The following MYT1L variants were observed in gnomAD, a reference collection of about 807,000 sequenced individuals.
MYT1L encodes myelin transcription factor 1 like, also known as myelin transcription factor 1-like protein.
In MYT1L, 12 loss-of-function variants were observed where a neutral mutation model predicts 126.7. That is an observed-to-expected ratio of 0.09 (90% CI 0.06 to 0.15). MYT1L has a LOEUF of 0.15. MYT1L is among the 10% of genes least tolerant of loss of function. MYT1L has a pLI of 1.00. For missense variants in MYT1L, 979 were observed against 1,585.2 expected (o/e 0.62, Z 6.49); for synonymous variants, 541 against 604.2 (o/e 0.90, Z 1.53).
At chr2:2,032,680 G>A (rs1399493310) in intron 4 of MYT1L, among the ~76,000 whole-genome samples, 4 of 91,492 alleles carry the variant, frequency 4.4e-5, no homozygotes, top group Middle Eastern at 0.014. Flanking sequence ...CACACCCCTC[G>A]CAAGTGCCTC....
intron 9 of MYT1L, among the ~76,000 whole-genome samples, chr2:1,939,030 A>G (rs954575737): frequency 1.3e-5 from 2 of 152,222 alleles, no homozygotes; most frequent in African/African-American, 4.8e-5. Flanking sequence ...TGAACAAATA[A>G]TGGCATCCAG....
chr2:1,834,265 C>T (rs10432713), intron 21 of MYT1L, among the ~76,000 whole-genome samples: 65,533 of 152,050 alleles, frequency 0.43, 14,843 homozygotes, highest in East Asian at 0.67. Flanking sequence ...CTCCTGCTAA[C>T]CAGGTTTGGG....
intron 3 of MYT1L, among the ~76,000 whole-genome samples, chr2:2,068,425 A>G (rs2074141343): frequency 6.6e-6 from 1 of 152,178 alleles, no homozygotes; most frequent in Non-Finnish European, 1.5e-5. Context: ...CCTGACACCC[A>G]GGCCAGGGAC....
At chr2:1,818,762 C>T (rs1273884085) in intron 21 of MYT1L, among the ~76,000 whole-genome samples, 3 of 152,206 alleles carry the variant, frequency 2.0e-5, no homozygotes, top group African/African-American at 7.2e-5. Context: ...AGATCTGCTT[C>T]CATCTCAGTG....
intron 9 of MYT1L, among the ~76,000 whole-genome samples, chr2:1,933,979 T>A (rs1057296609): frequency 3.4e-5 from 5 of 145,328 alleles, no homozygotes; most frequent in African/African-American, 1.3e-4. Context: ...ATTTTTTTTT[T>A]TTTTTTTTTT....
At chr2:2,061,822 G>A (rs2070548611) in intron 3 of MYT1L, among the ~76,000 whole-genome samples, 1 of 152,114 alleles carries the variant, frequency 6.6e-6, no homozygotes, top group Non-Finnish European at 1.5e-5. Context: ...GGTGATGTGT[G>A]TTCTCATCAA....
intron 3 of MYT1L, among the ~76,000 whole-genome samples, chr2:2,085,605 T>C (rs867522276): frequency 6.6e-6 from 1 of 152,128 alleles, no homozygotes. Flanking sequence ...GCCCTATACA[T>C]TTCTCAAAGT....
At chr2:1,885,250 G>A (rs1047095998) in intron 18 of MYT1L, 1 of 152,606 alleles carries the variant, frequency 6.6e-6, no homozygotes, top group Non-Finnish European at 1.5e-5. Context: ...TACAAAAGAC[G>A]CCTGAACAAA....
chr2:2,216,074 G>A (rs1179682293), intron 2 of MYT1L, among the ~76,000 whole-genome samples: 1 of 78,052 alleles, frequency 1.3e-5, no homozygotes, highest in South Asian at 3.6e-4. Flanking sequence ...TCAGTTCCAC[G>A]TTCCACCTCC....
At chr2:2,075,060 A>G (rs888676597) in intron 3 of MYT1L, among the ~76,000 whole-genome samples, 3 of 152,162 alleles carry the variant, frequency 2.0e-5, no homozygotes, top group African/African-American at 7.2e-5. Flanking sequence ...CTGGGTTTCA[A>G]ACCTGGGAGT....
chr2:2,082,234 C>A (rs1030308526), intron 3 of MYT1L, among the ~76,000 whole-genome samples: 1 of 152,118 alleles, frequency 6.6e-6, no homozygotes, highest in Admixed American at 6.5e-5. Context: ...GGCAGTTTTA[C>A]AAATGAAGAA....
intron 11 of MYT1L, among the ~76,000 whole-genome samples, chr2:1,915,448 C>A (rs2052681293): frequency 6.6e-6 from 1 of 152,152 alleles, no homozygotes; most frequent in Non-Finnish European, 1.5e-5. Context: ...AGTCCCACTT[C>A]ATTTAGGCCT....
intron 2 of MYT1L, among the ~76,000 whole-genome samples, chr2:2,283,683 A>G (rs2095480443): frequency 6.6e-6 from 1 of 152,220 alleles, no homozygotes; most frequent in African/African-American, 2.4e-5. Context: ...CCTCAAACCT[A>G]CACGTGGTCA....
chr2:2,246,961 G>A (rs533838942), intron 2 of MYT1L, among the ~76,000 whole-genome samples: 8 of 152,284 alleles, frequency 5.3e-5, no homozygotes, highest in East Asian at 3.9e-4. Context: ...GGACAATTCC[G>A]TAGACTTCAT....
chr2:2,320,074 G>A (rs1473393623), intron 1 of MYT1L, among the ~76,000 whole-genome samples: 5 of 152,088 alleles, frequency 3.3e-5, no homozygotes, highest in Non-Finnish European at 5.9e-5. Flanking sequence ...ACTTTAAAAT[G>A]CAGAATCTAA....
chr2:1,979,081 G>C lies in MYT1L; in HGVS notation c.152+84C>G. ...TGTGTATTGCTTTCCAAGAACACCTGCTCACACAGTTCATCATCAGGACTG... is the reference window on the plus strand; with the variant it reads ...TGTGTATTGCTTTCCAAGAACACCTCCTCACACAGTTCATCATCAGGACTG... On this transcript the variant is annotated intron_variant, in intron 8 of 24. Coordinates refer to ENST00000647738, the MANE Select transcript of MYT1L (RefSeq NM_001303052.2). The surrounding 1 kb of genome is among the most constrained non-coding windows in gnomAD (Gnocchi z 4.0). 1.8e-6 allele frequency: 2 copies of C among 1,092,038 alleles called. No individual in the cohort carries two copies. The highest frequency in any genetic ancestry group is 1.4e-6 in the Non-Finnish European group (1 of 728,862). The allele number at this position is 1,092,038 out of a possible 1,614,324, so 67.6% of individuals were successfully genotyped here.
At chr2:2,060,771 CCTCT>C (rs1247040062) in intron 3 of MYT1L, among the ~76,000 whole-genome samples, 5 of 143,060 alleles carry the variant, frequency 3.5e-5, no homozygotes, top group African/African-American at 5.2e-5. Context: ...TCTCTCCCTC[CCTCT>C]CTATTCTTCC....
intron 3 of MYT1L, among the ~76,000 whole-genome samples, chr2:2,075,479 T>C (rs1438127013): frequency 6.6e-6 from 1 of 151,842 alleles, no homozygotes; most frequent in Non-Finnish European, 1.5e-5. Flanking sequence ...GAACGAGAGG[T>C]TTTGAGGAAT....
Position 1,789,517 on chromosome 2 carries a change from T to A in MYT1L, c.*2350A>T, listed in dbSNP as rs2031657533. ...TCACAGATAACTTTTGATTTGAGATTATGTACCAACGTTAGATGAGCAGCA... is the reference window on the plus strand; with the variant it reads ...TCACAGATAACTTTTGATTTGAGATAATGTACCAACGTTAGATGAGCAGCA... On this transcript the variant is annotated 3_prime_UTR_variant, in exon 25 of 25. Coordinates refer to ENST00000647738, the MANE Select transcript of MYT1L (RefSeq NM_001303052.2). The A allele has an allele frequency of 6.6e-6, 1 of 152,240 alleles. No homozygotes were observed. The highest frequency in any genetic ancestry group is 1.5e-5 in the Non-Finnish European group (1 of 68,036). 9.4% of individuals were successfully genotyped at this position (152,240 alleles called of 1,614,324 possible).
Sources: gnomAD v4.1 joint callset for allele counts (sites outside exome capture counted in the v4.1 genomes callset) on GRCh38, gnomAD v4.1.1 for gene constraint, Gnocchi (gnomAD v3.1) non-coding constraint, MANE v1.5 for transcripts, NCBI Gene and HGNC (gene_info 2026-07-23, HGNC 2026-07-21) for gene names.